The following CSNK1A1 variants were observed in gnomAD, a reference collection of about 807,000 sequenced individuals.
The protein encoded by CSNK1A1 is casein kinase 1 alpha 1.
In CSNK1A1, 7 loss-of-function variants were observed where a neutral mutation model predicts 46.1. The observed-to-expected ratio is 0.15, with a 90% CI of 0.09 to 0.29. The LOEUF (loss-of-function observed/expected upper bound fraction) is 0.29. CSNK1A1 is among the 10% of genes least tolerant of loss of function. The pLI is 1.00. For missense variants in CSNK1A1, 96 were observed against 417.1 expected (o/e 0.23, Z 6.71); for synonymous variants, 137 against 141.5 (o/e 0.97, Z 0.23).
intron 7 of CSNK1A1, among the ~76,000 whole-genome samples, chr5:149,508,156 C>T (rs1305038781): frequency 6.6e-6 from 1 of 152,164 alleles, no homozygotes; most frequent in African/African-American, 2.4e-5. Context: ...TCTCTTTCTA[C>T]AACCTTATGA....
chr5:149,538,791 G>A (rs573140922), intron 2 of CSNK1A1, among the ~76,000 whole-genome samples: 6 of 152,106 alleles, frequency 3.9e-5, no homozygotes, highest in Non-Finnish European at 8.8e-5. Flanking sequence ...GTGTGATGGC[G>A]CATGCCTGTA....
chr5:149,534,482 C>CAAAAAAAAA (rs10597922), intron 2 of CSNK1A1, among the ~76,000 whole-genome samples: 2 of 94,982 alleles, frequency 2.1e-5, no homozygotes, highest in African/African-American at 8.5e-5. Flanking sequence ...GACTCTGTCT[C>CAAAAAAAAA]AAAAAAAAAA....
Position 149,551,193 on chromosome 5 carries a change from G to A in CSNK1A1, c.-229C>T, listed in dbSNP as rs536758416. 94 of 401,580 alleles carry A rather than the reference G, an allele frequency of 2.3e-4. 1 individual carries two copies. Among genetic ancestry groups the A allele is most frequent in the African/African-American group, 1.7e-3 (80 of 48,184 alleles). 24.9% of individuals were successfully genotyped at this position (401,580 alleles called of 1,614,324 possible). ...CGCAGTTTGTGAAGGGCTTCTCGGCGGTTACCAGGCTGGGCCACTTGTTTC... is the reference window on the plus strand; with the variant it reads ...CGCAGTTTGTGAAGGGCTTCTCGGCAGTTACCAGGCTGGGCCACTTGTTTC... On this transcript the variant is annotated 5_prime_UTR_variant, in exon 1 of 10. Transcript: ENST00000377843.
intron 2 of CSNK1A1, among the ~76,000 whole-genome samples, chr5:149,529,002 C>T (rs1761804497): frequency 1.3e-5 from 2 of 152,112 alleles, no homozygotes; most frequent in Non-Finnish European, 2.9e-5. Context: ...CGTGTTGCTA[C>T]TAAGTGTACA....
intron 9 of CSNK1A1, chr5:149,504,668 T>C: frequency 1.0e-6 from 1 of 985,452 alleles, no homozygotes; most frequent in Non-Finnish European, 1.2e-6. Flanking sequence ...TCAATGGCAT[T>C]TGCCCCAGTT....
At chr5:149,505,107 T>C (rs1037025938) in intron 9 of CSNK1A1, 17 of 1,006,852 alleles carry the variant, frequency 1.7e-5, no homozygotes, top group Non-Finnish European at 1.8e-5. Context: ...TTGGATTGAT[T>C]GATTATATTA....
intron 9 of CSNK1A1, chr5:149,504,878 A>G: frequency 1.0e-6 from 1 of 985,496 alleles, no homozygotes; most frequent in South Asian, 4.7e-5. Context: ...TGAGCATTTA[A>G]GAGAGAAAAT....
At chr5:149,504,912 T>G in intron 9 of CSNK1A1, 1 of 985,526 alleles carries the variant, frequency 1.0e-6, no homozygotes. Context: ...ACTGAGAAGA[T>G]AGACACTTTG....
chr5:149,502,181 T>C, intron 9 of CSNK1A1: 2 of 953,644 alleles, frequency 2.1e-6, no homozygotes, highest in Non-Finnish European at 2.5e-6. Flanking sequence ...TCAGATATAT[T>C]TTTCAAAAAT....
chr5:149,544,497 T>C (rs1762400718), intron 2 of CSNK1A1, among the ~76,000 whole-genome samples: 2 of 83,034 alleles, frequency 2.4e-5, no homozygotes, highest in Non-Finnish European at 4.2e-5. Context: ...AGCCCATCTA[T>C]ATAAAAAAAA....
At chr5:149,539,283 G>C (rs1305824056) in intron 2 of CSNK1A1, among the ~76,000 whole-genome samples, 1 of 152,010 alleles carries the variant, frequency 6.6e-6, no homozygotes, top group East Asian at 1.9e-4. Context: ...GAGCAACACA[G>C]TGAGACTCTA....
At chr5:149,537,776 G>T (rs1020488386) in intron 2 of CSNK1A1, among the ~76,000 whole-genome samples, 1 of 77,912 alleles carries the variant, frequency 1.3e-5, no homozygotes, top group Non-Finnish European at 2.5e-5. Context: ...TCTTAACGGG[G>T]TCCTACTGTT....
Position 149,516,280 on chromosome 5 carries a change from GCAC to G in CSNK1A1, c.457-3074_457-3072del, listed in dbSNP as rs1398223692. Among the ~76,000 whole-genome samples the G allele has an allele frequency of 2.2e-4, 33 of 152,058 alleles. 1 individual carries two copies. Among genetic ancestry groups the G allele is most frequent in the African/African-American group, 6.8e-4 (28 of 41,466 alleles). ...TGCAGTGGGCCAAGATCGCACCACT[GCAC>G]TCTACACTCCTGCCTGGGCAACAGA... On this transcript the variant is annotated intron_variant, in intron 4 of 9. Coordinates refer to ENST00000377843, the MANE Select transcript of CSNK1A1 (RefSeq NM_001892.6).
In CSNK1A1 at chr5:149,550,870, T is replaced by C. The variant is rs776373581; in HGVS notation, c.95A>G (p.Tyr32Cys). Residue 32 changes from tyrosine (Y) to cysteine (C), a missense_variant, in exon 1 of 10, where the codon TAT (tyrosine) becomes TGT (cysteine). Coordinates refer to ENST00000377843, the MANE Select transcript of CSNK1A1 (RefSeq NM_001892.6). The surrounding 1 kb of genome is among the most constrained non-coding windows in gnomAD (Gnocchi z 4.3). Reference protein sequence around the residue: ...KIGSGSFGDIYLAINITNGEE... With the variant: ...KIGSGSFGDICLAINITNGEE... ...GCCGTTGGTGATGTTGATCGCCAAA[T>C]AGATGTCCCCGAAGGAGCCAGACCC... 2 of 1,614,066 alleles carry C rather than the reference T, an allele frequency of 1.2e-6. No homozygotes were observed. Among genetic ancestry groups the C allele is most frequent in the Non-Finnish European group, 1.7e-6 (2 of 1,179,976 alleles).
At chr5:149,512,479 C>CT (rs1761259063) in intron 5 of CSNK1A1, among the ~76,000 whole-genome samples, 1 of 151,964 alleles carries the variant, frequency 6.6e-6, no homozygotes, top group African/African-American at 2.4e-5. Flanking sequence ...CTACTTATTA[C>CT]TTCTATGCTA....
Position 149,548,718 on chromosome 5 carries a change from G to A in CSNK1A1, c.230+1357C>T, listed in dbSNP as rs1762560851. Among the ~76,000 whole-genome samples, 3 of 152,106 alleles carry A rather than the reference G, an allele frequency of 2.0e-5. No individual in the cohort carries two copies. The South Asian group carries it at 6.2e-4, about 32-fold the overall frequency. ...ACAAAAATTAGCTAGGCGTGGTGGC[G>A]GGCGCCTGTAATCCCAGCTACTCAG... On this transcript the variant is annotated intron_variant, in intron 2 of 9. Transcript: ENST00000377843.
intron 9 of CSNK1A1, chr5:149,497,832 A>G (rs1281727182): frequency 5.1e-6 from 5 of 984,978 alleles, no homozygotes; most frequent in Non-Finnish European, 6.0e-6. Flanking sequence ...CTTTTCTTTT[A>G]GTTCTTTTTT....
intron 9 of CSNK1A1, chr5:149,505,203 G>A (rs1760984222): frequency 8.7e-7 from 1 of 1,143,068 alleles, no homozygotes; most frequent in African/African-American, 1.6e-5. Context: ...AAAATCCCAA[G>A]AGAAATGATA....
At chr5:149,500,113 C>T (rs968406825) in intron 9 of CSNK1A1, among the ~76,000 whole-genome samples, 2 of 146,386 alleles carry the variant, frequency 1.4e-5, no homozygotes, top group Admixed American at 6.8e-5. Context: ...GGACTACAGG[C>T]ACCCGCCACT....
Sources: allele counts gnomAD v4.1 joint callset (sites outside exome capture counted in the v4.1 genomes callset), GRCh38; gene constraint gnomAD v4.1.1; non-coding constraint Gnocchi (gnomAD v3.1); transcripts MANE v1.5; gene names NCBI Gene and HGNC (gene_info 2026-07-23, HGNC 2026-07-21).